Variants in ZMYM2 observed in about 807,000 individuals in gnomAD.
ZMYM2 encodes the protein zinc finger MYM-type containing 2, also known as zinc finger MYM-type protein 2.
Under a neutral mutation model 162.8 loss-of-function variants are expected in ZMYM2, and 56 were observed. That is an observed-to-expected ratio of 0.34 (90% CI 0.28 to 0.43). The LOEUF (loss-of-function observed/expected upper bound fraction) is 0.43, where lower values mean the gene tolerates loss of function less well. Among genes scored for constraint, ZMYM2 ranks in the 20% least tolerant of loss-of-function variants. ZMYM2 has a pLI of 1.00. For missense variants in ZMYM2, 1,275 were observed against 1,621.8 expected (o/e 0.79, Z 3.67); for synonymous variants, 510 against 541.6 (o/e 0.94, Z 0.81).
the ZMYM2 span, among the ~76,000 whole-genome samples, chr13:19,873,836 G>T: frequency 1.3e-5 from 2 of 152,220 alleles, no homozygotes; most frequent in African/African-American, 2.4e-5. Context: ...GAAAGGTACA[G>T]CTGGGCTCAC....
intron 6 of ZMYM2, among the ~76,000 whole-genome samples, chr13:20,011,576 TTA>T (rs201767474): frequency 1.8e-4 from 27 of 149,722 alleles, no homozygotes; most frequent in South Asian, 6.4e-4. Context: ...TTTTTTTGTT[TTA>T]TTTTTTTTTT....
chr13:19,904,328 G>A, the ZMYM2 span, among the ~76,000 whole-genome samples: 24 of 151,550 alleles, frequency 1.6e-4, no homozygotes, highest in Admixed American at 9.9e-4. Context: ...AGGCCGAGGC[G>A]GGTGGATCAC....
rs933238878 is a variant in ZMYM2 at position 20,085,615 on chromosome 13, T to C, written c.3942-207T>C. Among the ~76,000 whole-genome samples the C allele has an allele frequency of 2.6e-5, 4 of 152,160 alleles. No homozygotes were observed. The East Asian group carries it at 7.7e-4, about 29-fold the overall frequency. Reference sequence around the variant, plus strand: ...TCTATTGATAGTGTCTTGGATTTAGTGAAGTAGAATTAAAATTGTGGGAAA... The same window carrying C: ...TCTATTGATAGTGTCTTGGATTTAGCGAAGTAGAATTAAAATTGTGGGAAA... On this transcript the variant is annotated intron_variant, in intron 24 of 24. Coordinates refer to ENST00000610343, the MANE Select transcript of ZMYM2 (RefSeq NM_197968.4).
At position 20,082,359 on chromosome 13, in the gene ZMYM2, C is replaced by T. The variant is rs115940412; in HGVS notation, c.3568+229C>T. 4.1e-3 allele frequency among the ~76,000 whole-genome samples: 621 copies of T among 152,174 alleles called. 5 individuals are homozygous for T. The highest frequency in any genetic ancestry group is 0.013 in the African/African-American group (530 of 41,512). ...AATGTAATCTACTTTCTCTGGAGTACGAGACTGGATGTTCATGTCTTAAGC... is the reference window on the plus strand; with the variant it reads ...AATGTAATCTACTTTCTCTGGAGTATGAGACTGGATGTTCATGTCTTAAGC... On this transcript the variant is annotated intron_variant, in intron 22 of 24. Coordinates refer to ENST00000610343, the MANE Select transcript of ZMYM2 (RefSeq NM_197968.4).
intron 3 of ZMYM2, among the ~76,000 whole-genome samples, chr13:20,000,093 C>T (rs1238017101): frequency 6.6e-6 from 1 of 152,158 alleles, no homozygotes; most frequent in Non-Finnish European, 1.5e-5. Context: ...CCACCGTGCC[C>T]AGCCACAAAA....
chr13:20,000,364 A>G (rs1193048040), intron 3 of ZMYM2, among the ~76,000 whole-genome samples: 1 of 152,360 alleles, frequency 6.6e-6, no homozygotes, highest in South Asian at 2.1e-4. Flanking sequence ...AGTTGTAGCA[A>G]GTTCTCCAGA....
chr13:19,982,651 C>G (rs1957455776), intron 2 of ZMYM2, among the ~76,000 whole-genome samples: 1 of 152,172 alleles, frequency 6.6e-6, no homozygotes, highest in African/African-American at 2.4e-5. Context: ...TCAGTGGTTC[C>G]TGAACCTGTT....
At chr13:19,911,646 G>A in the ZMYM2 span, among the ~76,000 whole-genome samples, 1 of 152,150 alleles carries the variant, frequency 6.6e-6, no homozygotes, top group African/African-American at 2.4e-5. Flanking sequence ...TTGGTCAATA[G>A]AGTTTTAGCT....
intron 21 of ZMYM2, among the ~76,000 whole-genome samples, chr13:20,068,894 G>A (rs907548564): frequency 3.3e-5 from 5 of 152,018 alleles, no homozygotes; most frequent in Non-Finnish European, 7.4e-5. Flanking sequence ...GTGTTTTGGG[G>A]TTATGTATGG....
the ZMYM2 span, among the ~76,000 whole-genome samples, chr13:19,924,490 T>G: frequency 6.6e-6 from 1 of 152,042 alleles, no homozygotes; most frequent in Non-Finnish European, 1.5e-5. Context: ...ATCGCTTGAG[T>G]GCAGGAGGCG....
chr13:19,943,572 A>G, the ZMYM2 span, among the ~76,000 whole-genome samples: 1 of 152,174 alleles, frequency 6.6e-6, no homozygotes. Context: ...CAGTACTTCA[A>G]ATTGTCCTCT....
At chr13:20,079,791 T>C (rs2141021390) in intron 21 of ZMYM2, among the ~76,000 whole-genome samples, 1 of 152,356 alleles carries the variant, frequency 6.6e-6, no homozygotes, top group East Asian at 1.9e-4. Context: ...GAACTTAGTT[T>C]TTGGTTTATT....
At chr13:19,895,976 G>A in the ZMYM2 span, among the ~76,000 whole-genome samples, 21 of 151,028 alleles carry the variant, frequency 1.4e-4, 1 homozygote, top group African/African-American at 4.9e-4. Flanking sequence ...AATGAACCTT[G>A]AAGATGTTAT....
At chr13:20,035,702 T>C (rs1788743718) in intron 11 of ZMYM2, among the ~76,000 whole-genome samples, 1 of 152,144 alleles carries the variant, frequency 6.6e-6, no homozygotes, top group South Asian at 2.1e-4. Context: ...TTCAGATCGG[T>C]AATAGCATGT....
chr13:20,085,364 TCTCA>T (rs1271162349), intron 24 of ZMYM2, among the ~76,000 whole-genome samples: 1 of 152,230 alleles, frequency 6.6e-6, no homozygotes, highest in Non-Finnish European at 1.5e-5. Flanking sequence ...GAAATTCCTA[TCTCA>T]CTATTACCTT....
At chr13:19,995,800 A>T (rs1232429636) in intron 3 of ZMYM2, among the ~76,000 whole-genome samples, 1 of 152,126 alleles carries the variant, frequency 6.6e-6, no homozygotes, top group Non-Finnish European at 1.5e-5. Flanking sequence ...GCCAGCCTGG[A>T]CAACGTGGTG....
At position 20,006,456 on chromosome 13, in the gene ZMYM2, G is replaced by A; in HGVS notation, c.1382G>A (p.Gly461Asp). 2 of 1,612,478 alleles carry A rather than the reference G, an allele frequency of 1.2e-6. No homozygotes were observed. Among genetic ancestry groups the A allele is most frequent in the Non-Finnish European group, 1.7e-6 (2 of 1,179,150 alleles). Residue 461 changes from glycine to aspartate, a missense_variant, in exon 6 of 25, where the codon GGT becomes GAT. Transcript: ENST00000610343. ...HCFNRYRMAN[G>D]LIMNCCEQCG... ...TTTAATAGATATAGAATGGCCAATG[G>A]TTTAATAATGAATTGCTGTGAACAG...
intron 7 of ZMYM2, among the ~76,000 whole-genome samples, chr13:20,020,212 A>T (rs1951953905): frequency 6.6e-6 from 1 of 151,356 alleles, no homozygotes. Context: ...GTACAGGATC[A>T]TAGGCTATTA....
chr13:19,891,141 GT>G, the ZMYM2 span, among the ~76,000 whole-genome samples: 1 of 151,876 alleles, frequency 6.6e-6, no homozygotes, highest in South Asian at 2.1e-4. Flanking sequence ...GGTAATTAAG[GT>G]TAAGTGAAGT....
Sources: allele counts gnomAD v4.1 joint callset (sites outside exome capture counted in the v4.1 genomes callset), GRCh38; gene constraint gnomAD v4.1.1; transcripts MANE v1.5; gene names NCBI Gene and HGNC (gene_info 2026-07-23, HGNC 2026-07-21).